TGFBI: variants seen among roughly 807,000 people sequenced by gnomAD.
The protein encoded by TGFBI is transforming growth factor-beta-induced protein ig-h3.
Under a neutral mutation model 73.7 loss-of-function variants are expected in TGFBI, and 50 were observed. The observed-to-expected ratio is 0.68, with a 90% confidence interval of 0.54 to 0.86. The LOEUF is 0.86. Among genes scored for constraint, TGFBI ranks in the 40% least tolerant of loss-of-function variants. TGFBI has a pLI of 0.00. For synonymous variants in TGFBI, 362 were observed against 360.5 expected, an observed-to-expected ratio of 1.00 and a Z score of -0.05; for missense variants, 839 against 877.0, an observed-to-expected ratio of 0.96 and a Z score of 0.55.
chr5:136,047,682 GCA>G (rs1297469515), intron 6 of TGFBI: 25 of 471,410 alleles, frequency 5.3e-5, no homozygotes, highest in African/African-American at 1.9e-5. Context: ...GGCTGCAGCA[GCA>G]CAGTGTCCTC....
chr5:136,034,603 G>T (rs763103876), intron 2 of TGFBI, among the ~76,000 whole-genome samples: 19 of 151,896 alleles, frequency 1.3e-4, no homozygotes, highest in Non-Finnish European at 1.8e-4. Flanking sequence ...TGCCAACGGG[G>T]TGTGGACCAG....
chr5:136,029,122 G>A lies in TGFBI; in HGVS notation c.67G>A (p.Ala23Thr), dbSNP rs1052170143. ...GGCCCTGGGCCCCGCCGCGACCCTG[G>A]CGGGTCCCGCCAAGTCGCCCTACCA... The part of the protein sequence containing the change: ...ALALGPAATL[A>T]GPAKSPYQLV... The change falls in exon 1 of 17, where the codon GCG becomes ACG. Residue 23 changes from alanine to threonine, a missense_variant. Coordinates refer to ENST00000442011, the MANE Select transcript of TGFBI (RefSeq NM_000358.3). 6.6e-7 allele frequency: 1 copy of A among 1,525,374 alleles called. No homozygotes were observed. Among genetic ancestry groups the A allele is most frequent in the Non-Finnish European group, 8.7e-7 (1 of 1,143,242 alleles). 94.5% of individuals were successfully genotyped at this position (1,525,374 alleles called of 1,614,324 possible).
chr5:136,063,352 A>G lies in TGFBI; in HGVS notation c.*126A>G. ...CTTTAATGTACATGGGCCGCACCAT[A>G]ATGAGATGTGAGCCTTGTGCATGTG... is the stretch of plus-strand genomic sequence containing the variant. On this transcript the variant is annotated 3_prime_UTR_variant, in exon 17 of 17. Coordinates refer to ENST00000442011, the MANE Select transcript of TGFBI (RefSeq NM_000358.3). The G allele has an allele frequency of 1.2e-6, 1 of 836,706 alleles. No individual in the cohort carries two copies. Among genetic ancestry groups the G allele is most frequent in the Non-Finnish European group, 2.0e-6 (1 of 506,884 alleles). 51.8% of individuals were successfully genotyped at this position (836,706 alleles called of 1,614,324 possible). A position where few individuals can be genotyped will look rare whatever the true frequency, so the allele number is the denominator to read the frequency against.
intron 6 of TGFBI, chr5:136,047,663 G>A: frequency 1.9e-6 from 1 of 519,470 alleles, no homozygotes; most frequent in East Asian, 3.4e-5. Context: ...GGAAAGGTCA[G>A]TGGTGTGTGG....
intron 1 of TGFBI, among the ~76,000 whole-genome samples, chr5:136,030,354 G>A (rs565883200): frequency 1.1e-4 from 16 of 152,300 alleles, no homozygotes; most frequent in Middle Eastern, 6.8e-3. Flanking sequence ...CTCTGGGTAC[G>A]GGTACAGGCT....
intron 14 of TGFBI, 39 bp from the exon 15 acceptor site, chr5:136,061,461 T>C (rs1054813081): frequency 6.7e-7 from 1 of 1,485,510 alleles, no homozygotes; most frequent in Non-Finnish European, 9.3e-7. Flanking sequence ...ATGCTAATGG[T>C]TTCACTCTGG....
chr5:136,058,044 A>G (rs1028243232), intron 12 of TGFBI, among the ~76,000 whole-genome samples: 1 of 151,944 alleles, frequency 6.6e-6, no homozygotes, highest in African/African-American at 2.4e-5. Context: ...GGGGACAGAG[A>G]GTGTTAGAGG....
At position 136,035,521 on chromosome 5, in the gene TGFBI, A is replaced by G. The variant is rs370926129; in HGVS notation, c.233+1660A>G. Among the ~76,000 whole-genome samples the G allele has an allele frequency of 3.7e-4, 56 of 149,826 alleles. No homozygotes were observed. The East Asian group carries it at 9.1e-3, about 24-fold the overall frequency. On this transcript the variant is annotated intron_variant, in intron 2 of 16. Transcript: ENST00000442011. ...GCACCTGTAGTCCCAGCTACTCGGG[A>G]GGCTGAGGCAGGAGAATGGCGTGAA...
At chr5:136,056,225 G>A (rs187304709) in intron 11 of TGFBI, among the ~76,000 whole-genome samples, 1 of 152,228 alleles carries the variant, frequency 6.6e-6, no homozygotes. Context: ...TTTCTTGCCC[G>A]GCTATCTCCA....
chr5:136,037,399 G>T (rs548786242), intron 2 of TGFBI, among the ~76,000 whole-genome samples: 5 of 152,300 alleles, frequency 3.3e-5, no homozygotes, highest in Admixed American at 1.3e-4. Context: ...TTTTTTACGT[G>T]TGGCACTTTG....
intron 7 of TGFBI, among the ~76,000 whole-genome samples, chr5:136,050,529 C>T (rs1751516084): frequency 6.6e-6 from 1 of 152,040 alleles, no homozygotes; most frequent in African/African-American, 2.4e-5. Context: ...TTCCCCCTAC[C>T]CTGCCCCTTT....
intron 2 of TGFBI, among the ~76,000 whole-genome samples, chr5:136,036,159 C>T (rs1031954946): frequency 2.0e-5 from 3 of 152,194 alleles, no homozygotes; most frequent in South Asian, 2.1e-4. Flanking sequence ...GATGTGGTGG[C>T]GCAGCTCCCT....
chr5:136,054,133 C>A, intron 9 of TGFBI, 53 bp downstream of exon 9: 1 of 1,590,168 alleles, frequency 6.3e-7, no homozygotes, highest in Non-Finnish European at 8.6e-7. Context: ...AGCTTCCCCA[C>A]CCCTGTCACC....
chr5:136,042,916 G>GC (rs1273177137), intron 2 of TGFBI, among the ~76,000 whole-genome samples: 2 of 152,130 alleles, frequency 1.3e-5, no homozygotes, highest in African/African-American at 4.8e-5. Context: ...CCTTCCAGAG[G>GC]CCCCTCCAGA....
chr5:136,044,159 G>A (rs1469467495), intron 3 of TGFBI, 37 bp downstream of exon 3: 2 of 1,573,202 alleles, frequency 1.3e-6, no homozygotes, highest in East Asian at 2.2e-5. Context: ...GTTGGTGTGG[G>A]TGGAAGGGAA....
At chr5:136,031,172 C>T (rs553753702) in intron 1 of TGFBI, among the ~76,000 whole-genome samples, 21 of 152,168 alleles carry the variant, frequency 1.4e-4, no homozygotes, top group African/African-American at 4.1e-4. Flanking sequence ...AATCTGGATG[C>T]GCAGGCACAT....
intron 15 of TGFBI, 42 bp from the exon 16 acceptor site, chr5:136,062,621 T>C (rs1274740360): frequency 1.3e-6 from 2 of 1,552,866 alleles, no homozygotes; most frequent in African/African-American, 2.7e-5. Flanking sequence ...GTTGCAGGTA[T>C]AACTTTCACT....
intron 2 of TGFBI, among the ~76,000 whole-genome samples, chr5:136,035,970 G>A (rs913704176): frequency 7.9e-5 from 12 of 152,196 alleles, no homozygotes; most frequent in Admixed American, 5.2e-4. Flanking sequence ...ACAATAGCTC[G>A]ATAACATTCC....
intron 14 of TGFBI, 126 bp from the exon 15 acceptor site, chr5:136,061,374 T>A: frequency 1.4e-6 from 1 of 727,568 alleles, no homozygotes. Flanking sequence ...TATGAAACAT[T>A]ATGGAGAAAA....
Sources: gnomAD v4.1 joint callset for allele counts (sites outside exome capture counted in the v4.1 genomes callset) on GRCh38, gnomAD v4.1.1 for gene constraint, MANE v1.5 for transcripts, NCBI Gene and HGNC (gene_info 2026-07-23, HGNC 2026-07-21) for gene names.